SUV39H1: variants seen among roughly 807,000 people sequenced by gnomAD.
The protein encoded by SUV39H1 is histone-lysine N-methyltransferase SUV39H1.
For synonymous variants in SUV39H1, 141 were observed against 150.5 expected (o/e 0.94, Z 0.46); for missense variants, 180 against 386.3 (o/e 0.47, Z 4.48).
Position 48,698,949 on chromosome X carries a change from T to C in SUV39H1, c.67T>C (p.Cys23Arg). The C allele has an allele frequency of 8.3e-7, 1 of 1,210,462 alleles. No individual in the cohort carries two copies. Among genetic ancestry groups the C allele is most frequent in the Non-Finnish European group, 1.1e-6 (1 of 894,863 alleles). The change falls in exon 2 of 6, where the codon TGC (cysteine) becomes CGC (arginine). Residue 23 changes from cysteine to arginine, a missense_variant. Coordinates refer to ENST00000376687, the MANE Select transcript of SUV39H1 (RefSeq NM_003173.4). ...KSSWNQLQDL[C>R]RLAKLSCPAL... is the part of the protein sequence containing the mutation. Reference sequence around the variant, plus strand: ...TTCTTGGAATCAGCTGCAGGACCTGTGCCGCCTGGCCAAGCTCTCCTGCCC... The same window carrying C: ...TTCTTGGAATCAGCTGCAGGACCTGCGCCGCCTGGCCAAGCTCTCCTGCCC...
At chrX:48,695,782 T>G, upstream of SUV39H1, 1 of 1,155,826 alleles carries the variant, frequency 8.7e-7, no homozygotes, top group Non-Finnish European at 1.1e-6. Flanking sequence ...CCTGATAGAA[T>G]CTCAGCTTCA....
intron 1 of SUV39H1, among the ~76,000 whole-genome samples, chrX:48,697,027 T>C (rs1447000105): frequency 9.3e-6 from 1 of 106,957 alleles, no homozygotes; most frequent in Non-Finnish European, 1.9e-5. Context: ...TGGGGCTAAG[T>C]GGGGACGCAG....
Position 48,700,276 on chromosome X carries a change from C to T in SUV39H1, c.351C>T (p.Tyr117=). The change falls in exon 3 of 6, where the codon TAC becomes TAT. Residue 117 remains tyrosine, a synonymous_variant. Coordinates refer to ENST00000376687, the MANE Select transcript of SUV39H1 (RefSeq NM_003173.4). ...PRHLDPSLAN[Y]LVQKAKQRRA... is the part of the protein sequence containing the mutation. ...ACCTGGACCCAAGCTTGGCCAACTA[C>T]CTGGTGCAGAAGGCCAAGCAGAGGC... 1 of 1,209,563 alleles carries T rather than the reference C, an allele frequency of 8.3e-7. No individual in the cohort carries two copies. Among genetic ancestry groups the T allele is most frequent in the South Asian group, 1.8e-5 (1 of 56,459 alleles).
At chrX:48,704,410 G>C (rs782664017) in intron 3 of SUV39H1, among the ~76,000 whole-genome samples, 1 of 111,212 alleles carries the variant, frequency 9.0e-6, no homozygotes, top group African/African-American at 3.3e-5. Flanking sequence ...CACCCACTAG[G>C]CCTGTGAGCC....
intron 1 of SUV39H1, among the ~76,000 whole-genome samples, chrX:48,697,358 G>A (rs1557008832): frequency 1.8e-5 from 2 of 111,812 alleles, no homozygotes; most frequent in South Asian, 3.8e-4. Flanking sequence ...GGGAAAGAGG[G>A]GTGACTCAGT....
chrX:48,695,934 G>A, upstream of SUV39H1: 1 of 1,136,615 alleles, frequency 8.8e-7, no homozygotes, highest in Non-Finnish European at 1.2e-6. Context: ...GGCCTAGCTG[G>A]ATGTTGTGAC....
Position 48,700,083 on chromosome X carries a change from C to T in SUV39H1, c.166-8C>T, listed in dbSNP as rs782650633. ...CGGTACCCCCGTCCCCCTACCCACC[C>T]CCAACAGGAACAGGAATATTACCTG... On this transcript the variant is annotated splice_polypyrimidine_tract_variant and splice_region_variant and intron_variant, in intron 2 of 5. Coordinates refer to ENST00000376687, the MANE Select transcript of SUV39H1 (RefSeq NM_003173.4). 8.5e-7 allele frequency: 1 copy of T among 1,170,729 alleles called. No individual in the cohort carries two copies. Among genetic ancestry groups the T allele is most frequent in the South Asian group, 1.9e-5 (1 of 52,399 alleles).
In SUV39H1 at chrX:48,706,165, A is replaced by C. The variant is rs1263148306; in HGVS notation, c.829-100A>C. The stretch of plus-strand genomic sequence containing the variant: ...TCACTGCCCATGTGTGTCCACGGGC[A>C]GGGGTGCCTCCTGCTCCCTGTCCTT... On this transcript the variant is annotated intron_variant, in intron 3 of 5. Coordinates refer to ENST00000376687, the MANE Select transcript of SUV39H1 (RefSeq NM_003173.4). The C allele has an allele frequency of 3.8e-6, 4 of 1,056,697 alleles. No homozygotes were observed. In the East Asian group the frequency reaches 1.2e-4, roughly 32 times the overall value. 87.1% of individuals were successfully genotyped at this position (1,056,697 alleles called of 1,213,427 possible).
chrX:48,702,477 C>T (rs1291461889), intron 3 of SUV39H1, among the ~76,000 whole-genome samples: 1 of 111,281 alleles, frequency 9.0e-6, no homozygotes, highest in Admixed American at 9.5e-5. Flanking sequence ...AATGTCCTGA[C>T]GCTCTGGAGG....
chrX:48,702,446 G>A (rs1168792566), intron 3 of SUV39H1, among the ~76,000 whole-genome samples: 1 of 111,236 alleles, frequency 9.0e-6, no homozygotes, highest in East Asian at 2.8e-4. Flanking sequence ...TGACAGTATC[G>A]GGGGAAGTGT....
chrX:48,706,509 C>T lies in SUV39H1; in HGVS notation c.987C>T (p.Asn329=), dbSNP rs2062491526. 1 of 1,197,492 alleles carries T rather than the reference C, an allele frequency of 8.4e-7. No individual in the cohort carries two copies. Among genetic ancestry groups the T allele is most frequent in the African/African-American group, 1.7e-5 (1 of 57,222 alleles). The part of the protein sequence containing the change: ...SHFVNHSCDP[N]LQVYNVFIDN... ...TCTTTCTCGCCCAGTGTGACCCCAA[C>T]CTGCAGGTGTACAACGTCTTCATAG... Residue 329 remains asparagine (N), a synonymous_variant, in exon 5 of 6, where the codon AAC becomes AAT. Coordinates refer to ENST00000376687, the MANE Select transcript of SUV39H1 (RefSeq NM_003173.4).
At chrX:48,707,215 G>C (rs1179408450) in intron 5 of SUV39H1, among the ~76,000 whole-genome samples, 1 of 107,102 alleles carries the variant, frequency 9.3e-6, no homozygotes, top group Non-Finnish European at 1.9e-5. Context: ...GCTGAGCCCT[G>C]GCCCTAGCCC....
chrX:48,700,301 C>G lies in SUV39H1; in HGVS notation c.376C>G (p.Arg126Gly), dbSNP rs782590726. 8.3e-7 allele frequency: 1 copy of G among 1,205,844 alleles called. No individual in the cohort carries two copies. Among genetic ancestry groups the G allele is most frequent in the South Asian group, 1.8e-5 (1 of 56,212 alleles). The change falls in exon 3 of 6, where the codon CGG becomes GGG. Residue 126 changes from arginine to glycine, a missense_variant. By Grantham distance (125) the Arg-to-Gly change is moderately radical. Transcript: ENST00000376687. ...CCTGGTGCAGAAGGCCAAGCAGAGG[C>G]GGGCGCTCCGTCGCTGGGAGCAGGA... ...NYLVQKAKQR[R>G]ALRRWEQELN...
chrX:48,707,604 G>T lies in SUV39H1; in HGVS notation c.*34G>T. 1 of 1,205,679 alleles carries T rather than the reference G, an allele frequency of 8.3e-7. No individual in the cohort carries two copies. The highest frequency in any genetic ancestry group is 1.8e-5 in the South Asian group (1 of 56,760). ...AGTCTGAGGCCAGACTGACTGAGGGGGCCTGAAGCTACATGCACCTCCCCC... is the reference window on the plus strand; with the variant it reads ...AGTCTGAGGCCAGACTGACTGAGGGTGCCTGAAGCTACATGCACCTCCCCC... On this transcript the variant is annotated 3_prime_UTR_variant, in exon 6 of 6. Coordinates refer to ENST00000376687, the MANE Select transcript of SUV39H1 (RefSeq NM_003173.4).
At chrX:48,696,536 T>A (rs782628288), upstream of SUV39H1, 1 of 307,719 alleles carries the variant, frequency 3.2e-6, no homozygotes, top group East Asian at 6.8e-5. Context: ...TCTGGCAACT[T>A]TAGCTACCGC....
chrX:48,702,563 G>A (rs180956692), intron 3 of SUV39H1, among the ~76,000 whole-genome samples: 5 of 110,996 alleles, frequency 4.5e-5, no homozygotes, highest in East Asian at 2.8e-4. Flanking sequence ...ACAGTCCACC[G>A]TCCTAGGGGC....
At chrX:48,696,910 G>A (rs2062457896) in intron 1 of SUV39H1, 107 bp downstream of exon 1, 1 of 593,066 alleles carries the variant, frequency 1.7e-6, no homozygotes, top group Non-Finnish European at 2.3e-6. Context: ...GGCGCCGGGA[G>A]CCGGAAGCTC....
chrX:48,695,810 G>A, upstream of SUV39H1: 1 of 1,156,226 alleles, frequency 8.6e-7, no homozygotes, highest in South Asian at 1.9e-5. Context: ...AGAGGAGACT[G>A]ACTTGACCAA....
chrX:48,696,390 G>A (rs1415052690), upstream of SUV39H1, among the ~76,000 whole-genome samples: 2 of 112,036 alleles, frequency 1.8e-5, no homozygotes, highest in African/African-American at 6.5e-5. Context: ...GCCCCGGCCT[G>A]CTTGGGGTTA....
Sources: gnomAD v4.1 joint callset for allele counts (sites outside exome capture counted in the v4.1 genomes callset) on GRCh38, gnomAD v4.1.1 for gene constraint, MANE v1.5 for transcripts, NCBI Gene and HGNC (gene_info 2026-07-23, HGNC 2026-07-21) for gene names.